The following TTC7B variants were observed in gnomAD, a reference collection of about 807,000 sequenced individuals.
TTC7B encodes the protein tetratricopeptide repeat protein 7B.
TTC7B carries 28 observed loss-of-function variants against 106.8 expected under a neutral mutation model. That is an observed-to-expected ratio of 0.26 (90% CI 0.19 to 0.36). TTC7B has a LOEUF of 0.36. TTC7B is among the 10% of genes least tolerant of loss of function. The pLI, the probability that TTC7B is intolerant of heterozygous loss-of-function variation, is 1.00. For synonymous variants in TTC7B, 405 were observed against 430.6 expected, an observed-to-expected ratio of 0.94 and a Z score of 0.74; for missense variants, 862 against 1,076.4, an observed-to-expected ratio of 0.80 and a Z score of 2.79.
At chr14:90,690,285 T>C (rs2401909) in intron 6 of TTC7B, among the ~76,000 whole-genome samples, 132,513 of 152,248 alleles carry the variant, frequency 0.87, 57,845 homozygotes, top group East Asian at 1. Flanking sequence ...CCCAGAGGTT[T>C]TCACTGGCCT....
chr14:90,743,127 TCTCTTCTCATAGCAA>T (rs1889831032), intron 4 of TTC7B, among the ~76,000 whole-genome samples: 3 of 152,090 alleles, frequency 2.0e-5, no homozygotes, highest in Admixed American at 1.3e-4. Context: ...AACAACAAAT[TCTCTTCTCATAGCAA>T]CCTTCTGATA....
intron 3 of TTC7B, among the ~76,000 whole-genome samples, chr14:90,764,059 T>A (rs1890594129): frequency 6.6e-6 from 1 of 152,094 alleles, no homozygotes; most frequent in African/African-American, 2.4e-5. Flanking sequence ...AACTCAAAAC[T>A]TACTACAAAG....
chr14:90,590,840 A>C (rs1421196587), intron 18 of TTC7B, among the ~76,000 whole-genome samples: 1 of 152,238 alleles, frequency 6.6e-6, no homozygotes, highest in African/African-American at 2.4e-5. Flanking sequence ...GACTTCATTC[A>C]TTCGTCCTAC....
In TTC7B at chr14:90,644,079, T is replaced by A; in HGVS notation, c.1720A>T (p.Met574Leu). ...HYHDALNIID[M>L]ALSEYPENFI... ...TTTTCTGGGTATTCACTCAGGGCCA[T>A]GTCGATGATGTTCAGAGCGTCATGG... The change falls in exon 15 of 20, where the codon ATG becomes TTG. Residue 574 changes from methionine to leucine, a missense_variant. Coordinates refer to ENST00000328459, the MANE Select transcript of TTC7B (RefSeq NM_001010854.2). The A allele has an allele frequency of 3.7e-6, 6 of 1,614,052 alleles. No individual in the cohort carries two copies. Among genetic ancestry groups the A allele is most frequent in the Non-Finnish European group, 5.1e-6 (6 of 1,180,010 alleles).
At chr14:90,626,165 A>G (rs1446043248) in intron 15 of TTC7B, among the ~76,000 whole-genome samples, 1 of 152,212 alleles carries the variant, frequency 6.6e-6, no homozygotes. Context: ...TTTTAAAAAG[A>G]AAAAAGACTT....
chr14:90,664,170 A>T (rs1886317470), intron 9 of TTC7B, among the ~76,000 whole-genome samples: 1 of 152,216 alleles, frequency 6.6e-6, no homozygotes, highest in South Asian at 2.1e-4. Context: ...CCTTTTTAAG[A>T]ACCCTACCGT....
At chr14:90,791,995 T>C (rs10141873) in intron 1 of TTC7B, among the ~76,000 whole-genome samples, 108,525 of 152,062 alleles carry the variant, frequency 0.71, 42,431 homozygotes, top group Non-Finnish European at 0.87. Flanking sequence ...AAACACCCCA[T>C]CAACCTCAAG....
At chr14:90,582,359 T>C (rs1215735275) in intron 18 of TTC7B, among the ~76,000 whole-genome samples, 3 of 152,224 alleles carry the variant, frequency 2.0e-5, no homozygotes, top group African/African-American at 7.2e-5. Context: ...TCTCTGGGCC[T>C]GTCCACCTGT....
At chr14:90,587,277 C>G (rs975507905) in intron 18 of TTC7B, among the ~76,000 whole-genome samples, 1 of 152,218 alleles carries the variant, frequency 6.6e-6, no homozygotes, top group African/African-American at 2.4e-5. Flanking sequence ...GCTCCTGCTT[C>G]AAGTCCCTCA....
intron 3 of TTC7B, chr14:90,766,746 G>A: frequency 6.4e-7 from 1 of 1,563,342 alleles, no homozygotes; most frequent in South Asian, 1.1e-5. Flanking sequence ...CCATTATGCA[G>A]AATCCATGCC....
chr14:90,655,127 G>A lies in TTC7B; in HGVS notation c.1342-17C>T. 6.3e-7 allele frequency: 1 copy of A among 1,586,582 alleles called. No homozygotes were observed. Among genetic ancestry groups the A allele is most frequent in the Non-Finnish European group, 8.7e-7 (1 of 1,155,040 alleles). On this transcript the variant is annotated splice_polypyrimidine_tract_variant and intron_variant, in intron 11 of 19. Transcript: ENST00000328459. ...CTCTTCCAACTGAAAAATGAGACAA[G>A]TTAAAAACAACAACAACCTGCAGAA...
At chr14:90,637,133 T>A (rs1335273432) in intron 15 of TTC7B, among the ~76,000 whole-genome samples, 1 of 151,890 alleles carries the variant, frequency 6.6e-6, no homozygotes, top group African/African-American at 2.4e-5. Flanking sequence ...CAGACAAGTA[T>A]CTGGCAAGAC....
At chr14:90,550,127 C>T (rs1273858728) in intron 19 of TTC7B, among the ~76,000 whole-genome samples, 1 of 152,132 alleles carries the variant, frequency 6.6e-6, no homozygotes, top group Non-Finnish European at 1.5e-5. Flanking sequence ...TCGAGATAAG[C>T]AATATTGAAA....
chr14:90,770,486 G>A lies in TTC7B; in HGVS notation c.445+10252C>T, dbSNP rs181227193. Among the ~76,000 whole-genome samples, 265 of 152,098 alleles carry A rather than the reference G, an allele frequency of 1.7e-3. 1 individual carries two copies. The highest frequency in any genetic ancestry group is 2.9e-3 in the Non-Finnish European group (197 of 67,972). On this transcript the variant is annotated intron_variant, in intron 3 of 19. Coordinates refer to ENST00000328459, the MANE Select transcript of TTC7B (RefSeq NM_001010854.2). Reference sequence around the variant, plus strand: ...AGCCTGACCAACATGGAGAAACCCCGTCCCTACTAAAAATACAAAATTAGC... The same window carrying A: ...AGCCTGACCAACATGGAGAAACCCCATCCCTACTAAAAATACAAAATTAGC...
At chr14:90,557,752 G>A (rs1430439182) in intron 19 of TTC7B, among the ~76,000 whole-genome samples, 3 of 152,248 alleles carry the variant, frequency 2.0e-5, no homozygotes, top group African/African-American at 7.2e-5. Flanking sequence ...GGGGTGTGGG[G>A]ACCACGGGCT....
chr14:90,753,531 C>T (rs1297190786), intron 3 of TTC7B, among the ~76,000 whole-genome samples: 1 of 152,196 alleles, frequency 6.6e-6, no homozygotes, highest in Non-Finnish European at 1.5e-5. Flanking sequence ...GTCAGATAGA[C>T]TTAGCTCAAT....
At chr14:90,585,100 C>G (rs1016036025) in intron 18 of TTC7B, among the ~76,000 whole-genome samples, 1 of 152,218 alleles carries the variant, frequency 6.6e-6, no homozygotes. Context: ...CTCGGCCAGG[C>G]CCCATGCTGG....
chr14:90,638,165 G>A (rs1460893983), intron 15 of TTC7B, among the ~76,000 whole-genome samples: 5 of 151,948 alleles, frequency 3.3e-5, no homozygotes, highest in African/African-American at 7.3e-5. Context: ...CATTACAGGC[G>A]TGGACCACTG....
chr14:90,777,322 C>A lies in TTC7B; in HGVS notation c.445+3416G>T, dbSNP rs74082992. On this transcript the variant is annotated intron_variant, in intron 3 of 19. Coordinates refer to ENST00000328459, the MANE Select transcript of TTC7B (RefSeq NM_001010854.2). ...CCTGGCACGCAGGAATCTCTCAGTA[C>A]ACCGTGGCCACTGCTACGCTTCTGC... 2.2e-3 allele frequency among the ~76,000 whole-genome samples: 334 copies of A among 152,268 alleles called. 1 individual carries two copies. Among genetic ancestry groups the A allele is most frequent in the African/African-American group, 7.8e-3 (324 of 41,542 alleles).
Sources: gnomAD v4.1 joint callset for allele counts (sites outside exome capture counted in the v4.1 genomes callset) on GRCh38, gnomAD v4.1.1 for gene constraint, MANE v1.5 for transcripts, NCBI Gene and HGNC (gene_info 2026-07-23, HGNC 2026-07-21) for gene names.